GOLM1: variants seen among roughly 807,000 people sequenced by gnomAD.
GOLM1 encodes the protein epididymis luminal protein 46.
GOLM1 carries 31 observed loss-of-function variants against 50.5 expected under a neutral mutation model. That is an observed-to-expected ratio of 0.61 (90% CI 0.46 to 0.83). The LOEUF (loss-of-function observed/expected upper bound fraction) is 0.83, where lower values mean the gene tolerates loss of function less well. Ranked by LOEUF, GOLM1 falls within the 40% of genes least tolerant of loss-of-function variation. The pLI is 0.00. For synonymous variants in GOLM1, 178 were observed against 192.8 expected, an observed-to-expected ratio of 0.92 and a Z score of 0.64; for missense variants, 491 against 501.3, an observed-to-expected ratio of 0.98 and a Z score of 0.20.
intron 1 of GOLM1, among the ~76,000 whole-genome samples, chr9:86,094,668 G>A (rs983836063): frequency 7.9e-5 from 12 of 152,152 alleles, no homozygotes; most frequent in African/African-American, 1.4e-4. Context: ...GATGGCTCAC[G>A]TCTATAATCC....
intron 3 of GOLM1, among the ~76,000 whole-genome samples, chr9:86,074,932 C>T (rs920803207): frequency 5.3e-5 from 8 of 152,170 alleles, no homozygotes; most frequent in African/African-American, 1.9e-4. Flanking sequence ...AAATCTGCTA[C>T]GGTCTGAGTG....
intron 4 of GOLM1, among the ~76,000 whole-genome samples, chr9:86,047,611 C>G (rs1238503616): frequency 6.6e-6 from 1 of 152,120 alleles, no homozygotes; most frequent in African/African-American, 2.4e-5. Context: ...CAGTGGTGAT[C>G]TGCGAGACTA....
intron 6 of GOLM1, among the ~76,000 whole-genome samples, chr9:86,037,141 G>A (rs142422294): frequency 7.2e-5 from 11 of 152,342 alleles, no homozygotes; most frequent in East Asian, 3.9e-4. Flanking sequence ...ACAGCCAGGC[G>A]CGGTGGCGCA....
intron 9 of GOLM1, among the ~76,000 whole-genome samples, chr9:86,028,842 C>CTTTT (rs35054627): frequency 8.4e-5 from 9 of 106,806 alleles, no homozygotes; most frequent in Non-Finnish European, 1.3e-4. Flanking sequence ...GATAAGGGAA[C>CTTTT]TTTTTTTTTT....
In GOLM1 at chr9:86,026,832, A is replaced by G. The variant is rs1196879667; in HGVS notation, c.*985T>C. On this transcript the variant is annotated 3_prime_UTR_variant, in exon 10 of 10. Coordinates refer to ENST00000388712, the MANE Select transcript of GOLM1 (RefSeq NM_016548.4). Reference sequence around the variant, plus strand: ...TTACCACAAGCTAAATGTGTACACTATGATAAAAACAACCATTGTATTCCT... The same window carrying G: ...TTACCACAAGCTAAATGTGTACACTGTGATAAAAACAACCATTGTATTCCT... The G allele has an allele frequency of 1.6e-5, 16 of 978,928 alleles. No homozygotes were observed. The South Asian group carries it at 4.7e-4, about 29-fold the overall frequency. 60.6% of individuals were successfully genotyped at this position (978,928 alleles called of 1,614,324 possible).
chr9:86,064,859 C>T (rs533861867), intron 3 of GOLM1, among the ~76,000 whole-genome samples: 7 of 152,336 alleles, frequency 4.6e-5, no homozygotes, highest in Admixed American at 2.0e-4. Flanking sequence ...CGGTTCCACA[C>T]GCCTTTTGCT....
intron 3 of GOLM1, among the ~76,000 whole-genome samples, chr9:86,071,452 G>A (rs1834445033): frequency 6.6e-6 from 1 of 152,062 alleles, no homozygotes; most frequent in Non-Finnish European, 1.5e-5. Flanking sequence ...GTCAAGGCAG[G>A]TGGATCACTT....
At chr9:86,062,216 C>T (rs778719860) in intron 3 of GOLM1, among the ~76,000 whole-genome samples, 22 of 152,118 alleles carry the variant, frequency 1.4e-4, no homozygotes, top group Non-Finnish European at 2.5e-4. Flanking sequence ...CTCCCAGGAC[C>T]CGCCCTGGGG....
Position 86,035,456 on chromosome 9 carries a change from G to A in GOLM1, c.927C>T (p.Ser309=), listed in dbSNP as rs1305361212. 2 of 1,613,764 alleles carry A rather than the reference G, an allele frequency of 1.2e-6. No homozygotes were observed. Among genetic ancestry groups the A allele is most frequent in the Non-Finnish European group, 1.7e-6 (2 of 1,179,984 alleles). Reference sequence around the variant, plus strand: ...GGCCCTCCATCTCTGGATTTTCCTGGCTCACTGACAGGGCAGCCTGCACCT... The same window carrying A: ...GGCCCTCCATCTCTGGATTTTCCTGACTCACTGACAGGGCAGCCTGCACCT... ...TPQVQAALSV[S]QENPEMEGPE... Residue 309 remains serine (S), a synonymous_variant, in exon 8 of 10, where the codon AGC becomes AGT. Coordinates refer to ENST00000388712, the MANE Select transcript of GOLM1 (RefSeq NM_016548.4).
At chr9:86,076,675 C>A (rs1834626335) in intron 3 of GOLM1, among the ~76,000 whole-genome samples, 1 of 151,508 alleles carries the variant, frequency 6.6e-6, no homozygotes. Context: ...ACCATCCTGG[C>A]CAAAATGGTG....
At chr9:86,049,580 C>T (rs1480414492) in intron 4 of GOLM1, among the ~76,000 whole-genome samples, 2 of 152,166 alleles carry the variant, frequency 1.3e-5, no homozygotes, top group East Asian at 3.8e-4. Context: ...TTGAAGAGGT[C>T]CTTCACGTCC....
chr9:86,036,990 A>G (rs924877174), intron 6 of GOLM1, among the ~76,000 whole-genome samples: 2 of 152,242 alleles, frequency 1.3e-5, no homozygotes, highest in Non-Finnish European at 2.9e-5. Context: ...CACAAAGTAA[A>G]TTAATAGAAA....
rs556897958 is a variant in GOLM1, at chr9:86,052,523, C to G, written c.364+14G>C. 6 of 1,612,230 alleles carry G rather than the reference C, an allele frequency of 3.7e-6. No homozygotes were observed. Among genetic ancestry groups the G allele is most frequent in the African/African-American group, 2.7e-5 (2 of 74,868 alleles). On this transcript the variant is annotated intron_variant, in intron 4 of 9. Coordinates refer to ENST00000388712, the MANE Select transcript of GOLM1 (RefSeq NM_016548.4). ...AAGGCCAGTGCCTGGTGTGGAGGAG[C>G]GAGCGGAACTTACCTTGCAGCACTC...
chr9:86,035,873 A>C lies in GOLM1; in HGVS notation c.758-248T>G, dbSNP rs540035428. Among the ~76,000 whole-genome samples the C allele has an allele frequency of 1.5e-3, 193 of 128,718 alleles. 9 individuals carry two copies. The East Asian group carries it at 0.019, about 13-fold the overall frequency. The allele number at this position is 128,718 out of a possible 152,430, so 84.4% of individuals were successfully genotyped here. On this transcript the variant is annotated intron_variant, in intron 7 of 9. Transcript: ENST00000388712. ...AAGGGAAAAGTAGCTTACCAAAAAA[A>C]AAAACAAAACAAAAAAAAAAAAACA...
At chr9:86,095,530 G>A (rs1427284533) in intron 1 of GOLM1, among the ~76,000 whole-genome samples, 4 of 152,032 alleles carry the variant, frequency 2.6e-5, no homozygotes, top group African/African-American at 9.7e-5. Flanking sequence ...TTACAGGCAT[G>A]AGCCAACGTG....
At position 86,035,560 on chromosome 9, in the gene GOLM1, C is replaced by T. The variant is rs1247532864; in HGVS notation, c.823G>A (p.Gly275Ser). Residue 275 changes from glycine to serine, a missense_variant, in exon 8 of 10, where the codon GGC becomes AGC. Gly to Ser is a moderately conservative substitution (Grantham distance 56). Coordinates refer to ENST00000388712, the MANE Select transcript of GOLM1 (RefSeq NM_016548.4). ...CTGTCTTCCACCACCTGCTCCCGGC[C>T]TGGCTCCTGCGGCAGCCTGTCCCTC... is the stretch of plus-strand genomic sequence containing the variant. ...PQRDRLPQEP[G>S]REQVVEDRPV... 6.2e-7 allele frequency: 1 copy of T among 1,610,274 alleles called. No homozygotes were observed.
intron 3 of GOLM1, among the ~76,000 whole-genome samples, chr9:86,064,390 A>G (rs1481451985): frequency 6.6e-6 from 1 of 152,046 alleles, no homozygotes. Flanking sequence ...CACCTATCCC[A>G]TCTGTCACGG....
chr9:86,052,496 C>T (rs762201303), intron 4 of GOLM1, 41 bp downstream of exon 4: 7 of 1,588,390 alleles, frequency 4.4e-6, no homozygotes, highest in Non-Finnish European at 4.3e-6. Flanking sequence ...GTTTCCTCCT[C>T]AAAGGCCAGT....
intron 9 of GOLM1, among the ~76,000 whole-genome samples, chr9:86,029,046 G>A (rs1343941452): frequency 6.6e-6 from 1 of 151,672 alleles, no homozygotes; most frequent in Non-Finnish European, 1.5e-5. Flanking sequence ...TTTAGTAGAG[G>A]CGGGTTTTCA....
Sources: gnomAD v4.1 joint callset for allele counts (sites outside exome capture counted in the v4.1 genomes callset) on GRCh38, gnomAD v4.1.1 for gene constraint, MANE v1.5 for transcripts, NCBI Gene and HGNC (gene_info 2026-07-23, HGNC 2026-07-21) for gene names.